The following SORCS1 variants were observed in gnomAD, a reference collection of about 807,000 sequenced individuals.
SORCS1 encodes sortilin related VPS10 domain containing receptor 1, also known as VPS10 domain-containing receptor SorCS1.
SORCS1 carries 60 observed loss-of-function variants against 146.1 expected under a neutral mutation model. That is an observed-to-expected ratio of 0.41 (90% CI 0.33 to 0.51). The LOEUF (loss-of-function observed/expected upper bound fraction) is 0.51. Ranked by LOEUF, SORCS1 falls within the 20% of genes least tolerant of loss-of-function variation. SORCS1 has a pLI of 0.21. For synonymous variants in SORCS1, 637 were observed against 584.0 expected (o/e 1.09, Z -1.31); for missense variants, 1,352 against 1,487.6 (o/e 0.91, Z 1.50).
At chr10:106,915,822 G>A (rs1952393701) in intron 2 of SORCS1, among the ~76,000 whole-genome samples, 2 of 152,124 alleles carry the variant, frequency 1.3e-5, no homozygotes, top group Admixed American at 6.6e-5. Flanking sequence ...GGGACACCTG[G>A]ACCAAGTGAG....
chr10:107,117,603 G>A (rs548662463), intron 1 of SORCS1, among the ~76,000 whole-genome samples: 1 of 152,160 alleles, frequency 6.6e-6, no homozygotes, highest in Non-Finnish European at 1.5e-5. Flanking sequence ...AGTGGGCTTG[G>A]AGGCACAGCA....
At chr10:106,853,132 T>C (rs1417240005) in intron 2 of SORCS1, among the ~76,000 whole-genome samples, 1 of 152,238 alleles carries the variant, frequency 6.6e-6, no homozygotes, top group Admixed American at 6.5e-5. Context: ...TATTAATTAT[T>C]GATTCAATTT....
At position 106,620,558 on chromosome 10, in the gene SORCS1, G is replaced by A. The variant is rs1386804007; in HGVS notation, c.2666C>T (p.Pro889Leu). ...AAGAGACAGGTGCACGTGCTCCAAG[G>A]GACCTGAGGCACAAGAGAAAGAGAG... Reference protein sequence around the residue: ...SAVLYLHVTCPLEHVHLSLPF... With the variant: ...SAVLYLHVTCLLEHVHLSLPF... Residue 889 changes from proline (P) to leucine (L), a missense_variant, in exon 20 of 26, where the codon CCC (proline) becomes CTC (leucine). By Grantham distance (98) the Pro-to-Leu change is moderately conservative. Around this residue, in one of 3 missense-constraint regions of SORCS1, gnomAD observed 648 missense variants for 793.8 expected, o/e 0.82. Coordinates refer to ENST00000263054, the MANE Select transcript of SORCS1 (RefSeq NM_052918.5). The A allele has an allele frequency of 1.2e-6, 2 of 1,613,608 alleles. No homozygotes were observed. The highest frequency in any genetic ancestry group is 3.3e-5 in the Admixed American group (2 of 59,984).
intron 1 of SORCS1, among the ~76,000 whole-genome samples, chr10:106,989,670 GTTTT>G (rs1335278625): frequency 2.6e-5 from 3 of 116,450 alleles, no homozygotes; most frequent in South Asian, 2.5e-4. Context: ...TATTTTTTCT[GTTTT>G]TTTTTGTTTT....
At chr10:107,092,895 A>C (rs1590118418) in intron 1 of SORCS1, among the ~76,000 whole-genome samples, 1 of 151,762 alleles carries the variant, frequency 6.6e-6, no homozygotes, top group East Asian at 1.9e-4. Context: ...AAAAAAAAAA[A>C]AAAAAAAAAA....
At chr10:106,587,863 T>A (rs1845337724) in intron 24 of SORCS1, among the ~76,000 whole-genome samples, 1 of 152,172 alleles carries the variant, frequency 6.6e-6, no homozygotes, top group African/African-American at 2.4e-5. Flanking sequence ...GTCATGTTTT[T>A]TTATTTAACC....
chr10:107,067,029 C>G (rs1210224690), intron 1 of SORCS1, among the ~76,000 whole-genome samples: 1 of 152,130 alleles, frequency 6.6e-6, no homozygotes. Context: ...GGGAGGGGTA[C>G]AGTAAAACCA....
intron 1 of SORCS1, among the ~76,000 whole-genome samples, chr10:107,035,262 C>CAAAAAAAAAA (rs201009614): frequency 3.5e-5 from 1 of 28,360 alleles, no homozygotes; most frequent in Admixed American, 3.9e-4. Context: ...AGTGAAGCTT[C>CAAAAAAAAAA]AAAAAAAAAA....
At chr10:106,645,880 C>T (rs766342464) in intron 18 of SORCS1, among the ~76,000 whole-genome samples, 11 of 151,884 alleles carry the variant, frequency 7.2e-5, no homozygotes, top group Non-Finnish European at 1.5e-4. Context: ...ATTATAGATA[C>T]CTTTCTCCCC....
intron 5 of SORCS1, among the ~76,000 whole-genome samples, chr10:106,731,417 A>T (rs1421322301): frequency 1.3e-5 from 2 of 151,642 alleles, no homozygotes; most frequent in Non-Finnish European, 2.9e-5. Context: ...ACACTGAAAG[A>T]TGTTGCCATT....
chr10:106,626,101 C>G (rs1462553693), intron 19 of SORCS1, among the ~76,000 whole-genome samples: 1 of 151,516 alleles, frequency 6.6e-6, no homozygotes, highest in Admixed American at 6.6e-5. Flanking sequence ...CTTTTTTTTT[C>G]AAACCCTCTG....
intron 1 of SORCS1, among the ~76,000 whole-genome samples, chr10:107,097,787 C>A (rs1450402547): frequency 6.6e-6 from 1 of 152,118 alleles, no homozygotes; most frequent in African/African-American, 2.4e-5. Flanking sequence ...TTATAGGTTT[C>A]CTTTAGTTCT....
At chr10:106,807,409 C>A (rs2136726131) in intron 3 of SORCS1, among the ~76,000 whole-genome samples, 1 of 152,264 alleles carries the variant, frequency 6.6e-6, no homozygotes, top group South Asian at 2.1e-4. Context: ...ACTGGGACTC[C>A]CAATTACATC....
chr10:107,146,351 C>T (rs137860753), intron 1 of SORCS1, among the ~76,000 whole-genome samples: 1 of 152,150 alleles, frequency 6.6e-6, no homozygotes, highest in Non-Finnish European at 1.5e-5. Flanking sequence ...AAATGTTCAT[C>T]TGATTTCAAA....
intron 1 of SORCS1, among the ~76,000 whole-genome samples, chr10:107,055,910 T>C (rs1960586884): frequency 6.6e-6 from 1 of 152,228 alleles, no homozygotes; most frequent in Non-Finnish European, 1.5e-5. Context: ...CTACCTTTTT[T>C]CTTCTGAATA....
chr10:106,603,360 G>A (rs577176833), intron 23 of SORCS1, among the ~76,000 whole-genome samples: 39 of 152,276 alleles, frequency 2.6e-4, no homozygotes, highest in East Asian at 1.5e-3. Context: ...AAAGGCTGGT[G>A]GAACCCTCCC....
intron 3 of SORCS1, among the ~76,000 whole-genome samples, chr10:106,801,177 C>T (rs903321529): frequency 6.6e-6 from 1 of 151,994 alleles, no homozygotes; most frequent in Non-Finnish European, 1.5e-5. Flanking sequence ...TTTATATGAA[C>T]ACCTAATTTT....
At chr10:107,071,344 C>T (rs1962409427) in intron 1 of SORCS1, among the ~76,000 whole-genome samples, 1 of 152,118 alleles carries the variant, frequency 6.6e-6, no homozygotes, top group Non-Finnish European at 1.5e-5. Context: ...CGGGCCAGGG[C>T]TCCACTGAAA....
chr10:106,755,615 T>G (rs182483128), intron 5 of SORCS1, among the ~76,000 whole-genome samples: 11 of 152,276 alleles, frequency 7.2e-5, no homozygotes, highest in Non-Finnish European at 1.3e-4. Context: ...TGTCTTTTTT[T>G]CCCTTTTTAG....
Sources: allele counts gnomAD v4.1 joint callset (sites outside exome capture counted in the v4.1 genomes callset), GRCh38; gene constraint gnomAD v4.1.1; regional missense constraint gnomAD v4.1.1; transcripts MANE v1.5; gene names NCBI Gene and HGNC (gene_info 2026-07-23, HGNC 2026-07-21).